The following RIMBP2 variants were observed in gnomAD, a reference collection of about 807,000 sequenced individuals.
RIMBP2 encodes the protein RIMS-binding protein 2.
Under a neutral mutation model 118.6 loss-of-function variants are expected in RIMBP2, and 48 were observed. The observed-to-expected ratio is 0.40, with a 90% CI of 0.32 to 0.51. The LOEUF (loss-of-function observed/expected upper bound fraction) is 0.51, where lower values mean the gene tolerates loss of function less well. Ranked by LOEUF, RIMBP2 falls within the 20% of genes least tolerant of loss-of-function variation. RIMBP2 has a pLI of 0.41. For missense variants in RIMBP2, 1,551 were observed against 1,768.3 expected (o/e 0.88, Z 2.20); for synonymous variants, 762 against 742.9 (o/e 1.03, Z -0.42).
rs372144564 is a variant in RIMBP2 at position 130,438,341 on chromosome 12, C to CG, written c.1656+23_1656+24insC. ...CTGCGTTAGGGCCTAACAAACCCTC[C>CG]CCACCCACCCAACGAAAACTCACCC... is the stretch of plus-strand genomic sequence containing the variant. On this transcript the variant is annotated intron_variant, in intron 12 of 22. Transcript: ENST00000690449. 5.8e-6 allele frequency: 8 copies of CG among 1,387,658 alleles called. No homozygotes were observed. In the African/African-American group the frequency reaches 8.4e-5, roughly 15 times the overall value. 86.0% of individuals were successfully genotyped at this position (1,387,658 alleles called of 1,614,324 possible).
At chr12:130,441,291 C>T (rs760508713) in intron 11 of RIMBP2, among the ~76,000 whole-genome samples, 9 of 151,762 alleles carry the variant, frequency 5.9e-5, no homozygotes, top group Non-Finnish European at 1.2e-4. Flanking sequence ...ATCCCAGCTA[C>T]TCAGGAGGCT....
intron 1 of RIMBP2, among the ~76,000 whole-genome samples, chr12:130,676,798 C>T (rs1246221531): frequency 6.6e-6 from 1 of 152,104 alleles, no homozygotes; most frequent in East Asian, 1.9e-4. Flanking sequence ...CGATCCCACG[C>T]ATGTGGCCTG....
In RIMBP2 at chr12:130,447,829, G is replaced by C. The variant is rs2078665825; in HGVS notation, c.581+2371C>G. Among the ~76,000 whole-genome samples the C allele has an allele frequency of 6.6e-6, 1 of 152,180 alleles. No individual in the cohort carries two copies. Among genetic ancestry groups the C allele is most frequent in the Non-Finnish European group, 1.5e-5 (1 of 68,016 alleles). On this transcript the variant is annotated intron_variant, in intron 9 of 22. Transcript: ENST00000690449. The surrounding 1 kb of genome is among the most constrained non-coding windows in gnomAD (Gnocchi z 4.4). ...GAAGGGAGGAGACATGGACACAGAG[G>C]CAGCCCCTGCATGGAGGGCGGGGAG...
chr12:130,424,394 G>A lies in RIMBP2; in HGVS notation c.2877C>T (p.Ala959=). The A allele has an allele frequency of 3.2e-6, 4 of 1,232,714 alleles. No homozygotes were observed. Among genetic ancestry groups the A allele is most frequent in the Non-Finnish European group, 4.0e-6 (4 of 988,172 alleles). The allele number at this position is 1,232,714 out of a possible 1,614,324, so 76.4% of individuals were successfully genotyped here. Residue 959 remains alanine, a synonymous_variant, in exon 16 of 23, where the codon GCC becomes GCT. Coordinates refer to ENST00000690449, the MANE Select transcript of RIMBP2 (RefSeq NM_001393629.1). This position sits in a 1 kb window ranked among gnomAD's most constrained non-coding sequence, Gnocchi z 9.8. The part of the protein sequence containing the change: ...PCRRGPRPLL[A]RRRTLTRQSS... Reference sequence around the variant, plus strand: ...TCTGCCGGGTCAGCGTCCGCCGCCGGGCCAGCAGCGGCCTCGGGCCCCTCC... The same window carrying A: ...TCTGCCGGGTCAGCGTCCGCCGCCGAGCCAGCAGCGGCCTCGGGCCCCTCC...
rs147334466 is a variant in RIMBP2 at position 130,498,599 on chromosome 12, A to G, written c.-4+8049T>C. On this transcript the variant is annotated intron_variant, in intron 4 of 22. Coordinates refer to ENST00000690449, the MANE Select transcript of RIMBP2 (RefSeq NM_001393629.1). ...GAAACTGAGACCCAATAAGCCAGGAATCAGAAATACAAAGTGCTGAGGGAA... is the reference window on the plus strand; with the variant it reads ...GAAACTGAGACCCAATAAGCCAGGAGTCAGAAATACAAAGTGCTGAGGGAA... Among the ~76,000 whole-genome samples, 181 of 150,030 alleles carry G rather than the reference A, an allele frequency of 1.2e-3. 2 individuals are homozygous for G. The highest frequency in any genetic ancestry group is 4.2e-3 in the African/African-American group (170 of 40,768).
At chr12:130,415,446 A>C in intron 17 of RIMBP2, among the ~76,000 whole-genome samples, 1 of 152,230 alleles carries the variant, frequency 6.6e-6, no homozygotes, top group Non-Finnish European at 1.5e-5. Context: ...AGCCAATATC[A>C]TATTGAACAG....
At chr12:130,583,141 G>A (rs1452234479) in intron 2 of RIMBP2, among the ~76,000 whole-genome samples, 4 of 152,076 alleles carry the variant, frequency 2.6e-5, no homozygotes, top group South Asian at 2.1e-4. Context: ...TCAGTGCACC[G>A]ACTCCATCCC....
Position 130,688,395 on chromosome 12 carries a change from G to A in RIMBP2, c.-352+27827C>T, listed in dbSNP as rs1198179428. 6.6e-6 allele frequency among the ~76,000 whole-genome samples: 1 copy of A among 152,116 alleles called. No individual in the cohort carries two copies. Among genetic ancestry groups the A allele is most frequent in the Non-Finnish European group, 1.5e-5 (1 of 68,032 alleles). On this transcript the variant is annotated intron_variant, in intron 1 of 22. Coordinates refer to ENST00000690449, the MANE Select transcript of RIMBP2 (RefSeq NM_001393629.1). The surrounding 1 kb of genome is among the most constrained non-coding windows in gnomAD (Gnocchi z 4.7). ...TCTAGAACACTCTGGAACACTCTGG[G>A]GCCATTGGATAACACATACGTTTGC...
chr12:130,647,005 G>T (rs1566424381), intron 1 of RIMBP2, among the ~76,000 whole-genome samples: 1 of 152,246 alleles, frequency 6.6e-6, no homozygotes, highest in Non-Finnish European at 1.5e-5. Flanking sequence ...ATGCATGTGA[G>T]GCAGAGTGGG....
intron 1 of RIMBP2, among the ~76,000 whole-genome samples, chr12:130,676,799 A>G (rs61521727): frequency 0.029 from 4,442 of 152,170 alleles, 220 homozygotes; most frequent in African/African-American, 0.1. Context: ...GATCCCACGC[A>G]TGTGGCCTGC....
intron 18 of RIMBP2, 87 bp downstream of exon 18, chr12:130,414,038 G>T (rs927616493): frequency 1.4e-6 from 2 of 1,399,326 alleles, no homozygotes; most frequent in Non-Finnish European, 1.0e-6. Context: ...CCATCTCTAA[G>T]TCGATACCCT....
intron 1 of RIMBP2, among the ~76,000 whole-genome samples, chr12:130,645,093 CTTTT>C (rs61370338): frequency 0.013 from 1,906 of 143,702 alleles, 39 homozygotes; most frequent in African/African-American, 0.045. Context: ...CAAATCAGAA[CTTTT>C]TTTTTTTTTT....
chr12:130,671,573 T>A (rs1427914473), intron 1 of RIMBP2, among the ~76,000 whole-genome samples: 1 of 152,184 alleles, frequency 6.6e-6, no homozygotes. Context: ...CAAAGATTTG[T>A]TCAAGCCAGG....
chr12:130,668,017 G>A (rs1474756906), intron 1 of RIMBP2: 1 of 152,120 alleles, frequency 6.6e-6, no homozygotes, highest in Non-Finnish European at 1.5e-5. Flanking sequence ...AAACCTGAGG[G>A]GGTTGTGGGA....
chr12:130,467,121 G>A (rs959369546), intron 6 of RIMBP2, among the ~76,000 whole-genome samples: 2 of 152,216 alleles, frequency 1.3e-5, no homozygotes, highest in African/African-American at 4.8e-5. Context: ...AACTCTGTGA[G>A]GAGCTTAGTG....
At chr12:130,712,710 A>G (rs1950008105) in intron 1 of RIMBP2, among the ~76,000 whole-genome samples, 2 of 152,192 alleles carry the variant, frequency 1.3e-5, no homozygotes, top group Admixed American at 1.3e-4. Context: ...ATAGTCATTT[A>G]TTATCATCGA....
intron 2 of RIMBP2, among the ~76,000 whole-genome samples, chr12:130,603,048 CCAT>C (rs2059964019): frequency 6.6e-6 from 1 of 152,084 alleles, no homozygotes; most frequent in Non-Finnish European, 1.5e-5. Flanking sequence ...AAAATTGGCA[CCAT>C]ATTTCATATT....
At chr12:130,644,922 G>C (rs531056774) in intron 1 of RIMBP2, among the ~76,000 whole-genome samples, 1 of 152,166 alleles carries the variant, frequency 6.6e-6, no homozygotes, top group African/African-American at 2.4e-5. Context: ...ACCTGCCAGC[G>C]GCAATGACCA....
At chr12:130,632,108 TG>T (rs2062027498) in intron 1 of RIMBP2, among the ~76,000 whole-genome samples, 1 of 152,214 alleles carries the variant, frequency 6.6e-6, no homozygotes, top group African/African-American at 2.4e-5. Context: ...TACTTCATCG[TG>T]GGACGATTTC....
Sources: gnomAD v4.1 joint callset for allele counts (sites outside exome capture counted in the v4.1 genomes callset) on GRCh38, gnomAD v4.1.1 for gene constraint, Gnocchi (gnomAD v3.1) non-coding constraint, MANE v1.5 for transcripts, NCBI Gene and HGNC (gene_info 2026-07-23, HGNC 2026-07-21) for gene names.